RBFOX1: variants seen among roughly 807,000 people sequenced by gnomAD.
The protein encoded by RBFOX1 is RNA binding fox-1 homolog 1.
In RBFOX1, 8 loss-of-function variants were observed where a neutral mutation model predicts 57.7. That is an observed-to-expected ratio of 0.14 (90% CI 0.08 to 0.25). The LOEUF (loss-of-function observed/expected upper bound fraction) is 0.25, where lower values mean the gene tolerates loss of function less well. RBFOX1 is among the 10% of genes least tolerant of loss of function. The pLI is 1.00. For synonymous variants in RBFOX1, 326 were observed against 222.4 expected (o/e 1.47, Z -4.15); for missense variants, 611 against 548.5 (o/e 1.11, Z -1.14).
chr16:5,402,437 A>C (rs953199885), intron 1 of RBFOX1, among the ~76,000 whole-genome samples: 1 of 151,414 alleles, frequency 6.6e-6, no homozygotes, highest in Non-Finnish European at 1.5e-5. Context: ...CCAGCTCACA[A>C]CCTCCCCCAT....
chr16:7,376,501 T>G (rs2147697632), intron 4 of RBFOX1, among the ~76,000 whole-genome samples: 1 of 152,290 alleles, frequency 6.6e-6, no homozygotes, highest in South Asian at 2.1e-4. Context: ...TTGGTGAGTG[T>G]TTACCACAGC....
At position 6,121,374 on chromosome 16, in the gene RBFOX1, G is replaced by A. The variant is rs564069020; in HGVS notation, c.-127+101382G>A. On this transcript the variant is annotated intron_variant, in intron 1 of 15. Coordinates refer to ENST00000550418, the MANE Select transcript of RBFOX1 (RefSeq NM_018723.4). ...CTACATGGTGGGCCACCTGTAGTGT[G>A]CTGAGTGTGCTGTGGACCACCTTTG... is the stretch of plus-strand genomic sequence containing the variant. 2.6e-5 allele frequency among the ~76,000 whole-genome samples: 4 copies of A among 152,294 alleles called. 1 individual carries two copies. The highest frequency in any genetic ancestry group is 4.1e-4 in the South Asian group (2 of 4,828).
intron 1 of RBFOX1, among the ~76,000 whole-genome samples, chr16:6,299,988 A>G (rs771829540): frequency 1.3e-5 from 2 of 152,384 alleles, no homozygotes; most frequent in South Asian, 4.1e-4. Flanking sequence ...ACTCACATGT[A>G]CAATGGGATA....
intron 14 of RBFOX1, among the ~76,000 whole-genome samples, chr16:7,696,183 A>C (rs966691659): frequency 4.6e-5 from 7 of 152,166 alleles, no homozygotes; most frequent in Non-Finnish European, 1.0e-4. Context: ...TTTCTTACCT[A>C]GGAGTTTCAA....
intron 4 of RBFOX1, among the ~76,000 whole-genome samples, chr16:7,308,120 A>G (rs2096234326): frequency 6.6e-6 from 1 of 152,184 alleles, no homozygotes; most frequent in Non-Finnish European, 1.5e-5. Context: ...ACAGCCACAC[A>G]CACATGCATG....
chr16:5,361,957 C>A (rs1846986232), intron 1 of RBFOX1, among the ~76,000 whole-genome samples: 2 of 152,250 alleles, frequency 1.3e-5, no homozygotes, highest in African/African-American at 4.8e-5. Context: ...AATAGCATTT[C>A]ATTAACAGAG....
intron 2 of RBFOX1, among the ~76,000 whole-genome samples, chr16:5,543,670 C>T (rs2045061739): frequency 6.6e-6 from 1 of 151,842 alleles, no homozygotes; most frequent in Non-Finnish European, 1.5e-5. Context: ...AATCACAAAC[C>T]CAGAGACCTA....
At chr16:5,601,440 C>G (rs979997510), downstream of RBFOX1, 3 of 152,370 alleles carry the variant, frequency 2.0e-5, no homozygotes, top group Middle Eastern at 3.4e-3. Context: ...CTGTGTATCC[C>G]TTAGATGATG....
At chr16:7,406,831 A>C (rs2098349347) in intron 4 of RBFOX1, among the ~76,000 whole-genome samples, 1 of 152,210 alleles carries the variant, frequency 6.6e-6, no homozygotes, top group Non-Finnish European at 1.5e-5. Context: ...TTCTTCTGGA[A>C]ATCTAGGGGA....
At chr16:5,543,934 C>A (rs1219288454) in intron 2 of RBFOX1, among the ~76,000 whole-genome samples, 1 of 152,064 alleles carries the variant, frequency 6.6e-6, no homozygotes, top group African/African-American at 2.4e-5. Flanking sequence ...AAGTCCAAAC[C>A]TGAAATAACT....
intron 2 of RBFOX1, among the ~76,000 whole-genome samples, chr16:6,644,345 G>A (rs1174748821): frequency 6.6e-6 from 1 of 152,204 alleles, no homozygotes; most frequent in Non-Finnish European, 1.5e-5. Flanking sequence ...GCTTTTTGGA[G>A]TGTGATGTCA....
intron 1 of RBFOX1, among the ~76,000 whole-genome samples, chr16:6,196,918 C>G (rs1489120271): frequency 6.6e-6 from 1 of 151,998 alleles, no homozygotes; most frequent in East Asian, 1.9e-4. Context: ...ATTCCAGTAG[C>G]TGAAGTTGTG....
chr16:6,837,088 C>G (rs942349818), intron 3 of RBFOX1, among the ~76,000 whole-genome samples: 3 of 152,182 alleles, frequency 2.0e-5, no homozygotes, highest in Admixed American at 1.3e-4. Context: ...TATTGGTTAA[C>G]AATAGCCAGA....
At chr16:6,508,170 G>A (rs552256148) in intron 2 of RBFOX1, among the ~76,000 whole-genome samples, 5 of 152,074 alleles carry the variant, frequency 3.3e-5, no homozygotes, top group East Asian at 3.9e-4. Context: ...TGATGAGAAC[G>A]CATGGACACA....
At chr16:7,525,503 A>T (rs1367587382) in intron 5 of RBFOX1, among the ~76,000 whole-genome samples, 1 of 152,114 alleles carries the variant, frequency 6.6e-6, no homozygotes, top group Non-Finnish European at 1.5e-5. Flanking sequence ...CAATTACCCT[A>T]CAGAGAGCTT....
intron 6 of RBFOX1, among the ~76,000 whole-genome samples, chr16:7,584,420 G>A (rs757314644): frequency 5.9e-5 from 9 of 152,164 alleles, no homozygotes; most frequent in Non-Finnish European, 1.0e-4. Context: ...AGCATCCCAA[G>A]TAACTGGGAT....
intron 3 of RBFOX1, among the ~76,000 whole-genome samples, chr16:6,693,427 T>G (rs1393629753): frequency 6.8e-6 from 1 of 146,562 alleles, no homozygotes; most frequent in Non-Finnish European, 1.5e-5. Context: ...ACTATCATTA[T>G]CAACATCCTC....
At chr16:6,563,343 A>G (rs182125349) in intron 2 of RBFOX1, among the ~76,000 whole-genome samples, 2 of 152,310 alleles carry the variant, frequency 1.3e-5, no homozygotes, top group Admixed American at 1.3e-4. Flanking sequence ...AGCATTTCAC[A>G]TCAATATTTC....
intron 3 of RBFOX1, among the ~76,000 whole-genome samples, chr16:7,003,636 A>G (rs981493022): frequency 1.3e-5 from 2 of 152,188 alleles, no homozygotes; most frequent in African/African-American, 4.8e-5. Context: ...TTTGTTAGCT[A>G]TAAACTCAAA....
Sources: gnomAD v4.1 joint callset for allele counts (sites outside exome capture counted in the v4.1 genomes callset) on GRCh38, gnomAD v4.1.1 for gene constraint, MANE v1.5 for transcripts, NCBI Gene and HGNC (gene_info 2026-07-23, HGNC 2026-07-21) for gene names.